Variants in PRKN observed in about 807,000 individuals in gnomAD.
The protein encoded by PRKN is parkin RBR E3 ubiquitin protein ligase.
PRKN carries 56 observed loss-of-function variants against 59.5 expected under a neutral mutation model. The observed-to-expected ratio is 0.94, with a 90% CI of 0.76 to 1.18. PRKN has a LOEUF of 1.18. PRKN is among the 50% of genes most tolerant of loss of function. The pLI, the probability that PRKN is intolerant of heterozygous loss-of-function variation, is 0.00. For missense variants in PRKN, 657 were observed against 596.4 expected, an observed-to-expected ratio of 1.10 and a Z score of -1.06; for synonymous variants, 250 against 222.1, an observed-to-expected ratio of 1.13 and a Z score of -1.12.
chr6:161,782,114 A>G (rs1392095571), intron 7 of PRKN, among the ~76,000 whole-genome samples: 1 of 152,242 alleles, frequency 6.6e-6, no homozygotes, highest in Non-Finnish European at 1.5e-5. Flanking sequence ...GGGTGCACAC[A>G]AGTCTATTAG....
intron 1 of PRKN, among the ~76,000 whole-genome samples, chr6:162,465,294 T>C (rs1207818188): frequency 6.6e-6 from 1 of 152,232 alleles, no homozygotes; most frequent in Non-Finnish European, 1.5e-5. Context: ...TTTGTTGCTG[T>C]TTATAATATT....
At chr6:162,448,711 C>T (rs2128169822) in intron 1 of PRKN, among the ~76,000 whole-genome samples, 1 of 152,210 alleles carries the variant, frequency 6.6e-6, no homozygotes. Context: ...CAGGTGACCT[C>T]CTCTAATCCC....
chr6:162,542,824 C>T (rs1258628918), intron 1 of PRKN, among the ~76,000 whole-genome samples: 2 of 152,172 alleles, frequency 1.3e-5, no homozygotes, highest in East Asian at 1.9e-4. Context: ...GCACAGCACT[C>T]GCGCAAACCC....
rs982314361 is a variant in PRKN at position 161,581,669 on chromosome 6, G to T, written c.872-12253C>A. Among the ~76,000 whole-genome samples, 2 of 152,158 alleles carry T rather than the reference G, an allele frequency of 1.3e-5. No individual in the cohort carries two copies. The highest frequency in any genetic ancestry group is 4.8e-5 in the African/African-American group (2 of 41,428). On this transcript the variant is annotated intron_variant, in intron 7 of 11. Transcript: ENST00000366898. The surrounding 1 kb of genome is among the most constrained non-coding windows in gnomAD (Gnocchi z 4.5). Reference sequence around the variant, plus strand: ...AGGAAATAGAATGGAAGAAATGAAGGAAAAATGGAATCGCTGGCCTGAGAA... The same window carrying T: ...AGGAAATAGAATGGAAGAAATGAAGTAAAAATGGAATCGCTGGCCTGAGAA...
At chr6:161,697,106 G>A (rs1263895701) in intron 7 of PRKN, among the ~76,000 whole-genome samples, 8 of 152,206 alleles carry the variant, frequency 5.3e-5, no homozygotes, top group Admixed American at 2.6e-4. Flanking sequence ...TTCTGTCTGT[G>A]TGGCTCCGTG....
At chr6:161,730,465 T>C (rs929175336) in intron 7 of PRKN, among the ~76,000 whole-genome samples, 7 of 151,262 alleles carry the variant, frequency 4.6e-5, no homozygotes, top group Non-Finnish European at 7.3e-5. Context: ...ATGTGTTCCA[T>C]TCTGATGTGT....
In PRKN at chr6:161,786,089, A is replaced by C. The variant is rs553566407; in HGVS notation, c.735-181T>G. On this transcript the variant is annotated intron_variant, in intron 6 of 11. Transcript: ENST00000366898. Reference sequence around the variant, plus strand: ...AACATCTTAAAAATTGGAGGCACTCAATGAACTACATAGAAAACTGATTCT... The same window carrying C: ...AACATCTTAAAAATTGGAGGCACTCCATGAACTACATAGAAAACTGATTCT... Among the ~76,000 whole-genome samples the C allele has an allele frequency of 9.2e-5, 14 of 152,364 alleles. 1 individual carries two copies. The highest frequency in any genetic ancestry group is 6.5e-4 in the Admixed American group (10 of 15,308).
At chr6:161,383,803 A>T (rs1033254007) in intron 10 of PRKN, among the ~76,000 whole-genome samples, 2 of 152,148 alleles carry the variant, frequency 1.3e-5, no homozygotes, top group Admixed American at 6.5e-5. Context: ...TCCTGTGCCC[A>T]TCTGGGTTGG....
intron 6 of PRKN, among the ~76,000 whole-genome samples, chr6:161,870,423 A>G (rs574927419): frequency 1.4e-4 from 22 of 152,282 alleles, no homozygotes; most frequent in African/African-American, 5.1e-4. Context: ...ACACAGAACA[A>G]AGCTAGCTGA....
At position 161,480,293 on chromosome 6, in the gene PRKN, GGGGGCCCTGTGAGTAT is replaced by G. The variant is rs549257478; in HGVS notation, c.1083+68545_1083+68560del. Among the ~76,000 whole-genome samples the G allele has an allele frequency of 7.1e-3, 1,084 of 152,008 alleles. 4 individuals are homozygous for G. Among genetic ancestry groups the G allele is most frequent in the African/African-American group, 0.014 (578 of 41,430 alleles). On this transcript the variant is annotated intron_variant, in intron 9 of 11. Coordinates refer to ENST00000366898, the MANE Select transcript of PRKN (RefSeq NM_004562.3). This position sits in a 1 kb window ranked among gnomAD's most constrained non-coding sequence, Gnocchi z 4.1. ...ATTAGCAGTAGAGCCTCAAACTCTG[GGGGGCCCTGTGAGTAT>G]GGGGCCCTGTGAGTATGGGGCCCTG...
chr6:162,209,408 C>A (rs1164235517), intron 3 of PRKN, among the ~76,000 whole-genome samples: 3 of 152,090 alleles, frequency 2.0e-5, no homozygotes, highest in African/African-American at 7.2e-5. Flanking sequence ...AATGAGATAC[C>A]ATCTCATGCC....
chr6:162,010,010 C>T (rs1399465653), intron 5 of PRKN, among the ~76,000 whole-genome samples: 1 of 151,248 alleles, frequency 6.6e-6, no homozygotes, highest in Non-Finnish European at 1.5e-5. Context: ...CATCTGCATG[C>T]TAACTTCACC....
intron 7 of PRKN, among the ~76,000 whole-genome samples, chr6:161,732,642 C>G (rs1385228385): frequency 6.6e-6 from 1 of 152,126 alleles, no homozygotes; most frequent in Non-Finnish European, 1.5e-5. Flanking sequence ...TGAGAACATG[C>G]AACATTTGGT....
At chr6:162,569,825 C>A (rs1780242034) in intron 1 of PRKN, 2 of 435,228 alleles carry the variant, frequency 4.6e-6, no homozygotes, top group Admixed American at 3.6e-5. Context: ...AATGGGAGAC[C>A]CACCTGAGGC....
At chr6:162,390,320 T>G (rs1787102617) in intron 2 of PRKN, among the ~76,000 whole-genome samples, 1 of 149,654 alleles carries the variant, frequency 6.7e-6, no homozygotes. Flanking sequence ...AAGAAATCTT[T>G]CCAATGATTC....
intron 4 of PRKN, among the ~76,000 whole-genome samples, chr6:162,107,640 CTGT>C: frequency 6.6e-6 from 1 of 152,306 alleles, no homozygotes; most frequent in South Asian, 2.1e-4. Flanking sequence ...TTAACCCTGG[CTGT>C]TGTTACTGTT....
Position 161,360,680 on chromosome 6 carries a change from C to T in PRKN, c.1168-475G>A, listed in dbSNP as rs887547184. Among the ~76,000 whole-genome samples the T allele has an allele frequency of 2.6e-5, 4 of 152,080 alleles. No homozygotes were observed. Among genetic ancestry groups the T allele is most frequent in the African/African-American group, 9.7e-5 (4 of 41,438 alleles). On this transcript the variant is annotated intron_variant, in intron 10 of 11. Transcript: ENST00000366898. This position sits in a 1 kb window ranked among gnomAD's most constrained non-coding sequence, Gnocchi z 5.1. ...ATCTTTGCTTTTAAACTTTGCTCTA[C>T]ATCTTGTTATCCTTCCTTGCACCTG...
chr6:161,729,063 T>C (rs1787567824), intron 7 of PRKN, among the ~76,000 whole-genome samples: 2 of 152,208 alleles, frequency 1.3e-5, no homozygotes, highest in Non-Finnish European at 2.9e-5. Context: ...CAGAAGGAAT[T>C]AACATACAAC....
intron 6 of PRKN, among the ~76,000 whole-genome samples, chr6:161,863,871 TTATACTATGCCA>T (rs2128225241): frequency 6.6e-6 from 1 of 152,360 alleles, no homozygotes; most frequent in South Asian, 2.1e-4. Flanking sequence ...AAAGCCATGT[TTATACTATGCCA>T]TAGTCATATT....
Sources: gnomAD v4.1 joint callset for allele counts (sites outside exome capture counted in the v4.1 genomes callset) on GRCh38, gnomAD v4.1.1 for gene constraint, Gnocchi (gnomAD v3.1) non-coding constraint, MANE v1.5 for transcripts, NCBI Gene and HGNC (gene_info 2026-07-23, HGNC 2026-07-21) for gene names.